Variants in GRIN2B observed in about 807,000 individuals in gnomAD.
GRIN2B encodes the protein glutamate ionotropic receptor NMDA type subunit 2B, also known as glutamate receptor ionotropic, NMDA 2B.
A neutral mutation model predicts 114.5 loss-of-function variants in GRIN2B; 5 were observed. That is an observed-to-expected ratio of 0.04 (90% CI 0.02 to 0.09). The LOEUF is 0.09. Among genes scored for constraint, GRIN2B ranks in the 10% least tolerant of loss-of-function variants. The pLI is 1.00. For missense variants in GRIN2B, 1,108 were observed against 1,943.5 expected (o/e 0.57, Z 8.08); for synonymous variants, 787 against 745.1 (o/e 1.06, Z -0.92).
chr12:13,725,444 G>C (rs1862965953), intron 4 of GRIN2B, among the ~76,000 whole-genome samples: 1 of 152,026 alleles, frequency 6.6e-6, no homozygotes. Flanking sequence ...TGTTCTCCTA[G>C]TCATACAGCT....
At chr12:13,717,486 C>T in intron 4 of GRIN2B, among the ~76,000 whole-genome samples, 1 of 151,912 alleles carries the variant, frequency 6.6e-6, no homozygotes, top group Non-Finnish European at 1.5e-5. Flanking sequence ...GACAACACAG[C>T]AGTATGAACT....
At chr12:13,947,632 CT>C (rs1867385837) in intron 2 of GRIN2B, among the ~76,000 whole-genome samples, 2 of 152,176 alleles carry the variant, frequency 1.3e-5, no homozygotes, top group Admixed American at 1.3e-4. Context: ...TGTATGTATT[CT>C]TAGATTTTCA....
At chr12:13,959,564 AT>A (rs1407311143) in intron 2 of GRIN2B, among the ~76,000 whole-genome samples, 1 of 152,090 alleles carries the variant, frequency 6.6e-6, no homozygotes, top group Non-Finnish European at 1.5e-5. Context: ...GAAATGGAAA[AT>A]GAGGATCCAA....
At chr12:13,694,013 C>A (rs1055104526) in intron 4 of GRIN2B, among the ~76,000 whole-genome samples, 26 of 152,224 alleles carry the variant, frequency 1.7e-4, no homozygotes, top group African/African-American at 6.3e-4. Context: ...AGAAAGAGAA[C>A]CTAGGTTCCA....
At chr12:13,582,374 G>A (rs2136428232) in intron 10 of GRIN2B, among the ~76,000 whole-genome samples, 1 of 152,322 alleles carries the variant, frequency 6.6e-6, no homozygotes, top group East Asian at 1.9e-4. Flanking sequence ...CCGGTATATA[G>A]GAAAATTGCC....
At chr12:13,710,483 T>C (rs895469221) in intron 4 of GRIN2B, among the ~76,000 whole-genome samples, 2 of 152,092 alleles carry the variant, frequency 1.3e-5, no homozygotes, top group African/African-American at 4.8e-5. Flanking sequence ...GAAAACCCCA[T>C]CGTCTCAGCC....
At chr12:13,614,798 T>C (rs542144801) in intron 8 of GRIN2B, among the ~76,000 whole-genome samples, 9 of 152,240 alleles carry the variant, frequency 5.9e-5, no homozygotes, top group African/African-American at 1.9e-4. Flanking sequence ...GGAAACCAAG[T>C]CCCCAGATAC....
rs143592315 is a variant in GRIN2B, at chr12:13,863,596, T to G, written c.411+2202A>C. Among the ~76,000 whole-genome samples the G allele has an allele frequency of 1.4e-4, 22 of 152,300 alleles. No individual in the cohort carries two copies. In the East Asian group the frequency reaches 3.3e-3, roughly 23 times the overall value. ...TAGGTCGCTAACTGGTTAAGAGTATTAAATAAGATAGTACATACACAGCAC... is the reference window on the plus strand; with the variant it reads ...TAGGTCGCTAACTGGTTAAGAGTATGAAATAAGATAGTACATACACAGCAC... On this transcript the variant is annotated intron_variant, in intron 3 of 13. Transcript: ENST00000609686.
chr12:13,552,235 T>C lies in GRIN2B; in HGVS notation c.*10548A>G, dbSNP rs903299422. ...CTTGGGTGCTGTAATCTGAAGGACCTGGGCAGGAATGACATGGGGCCAGGT... is the reference window on the plus strand; with the variant it reads ...CTTGGGTGCTGTAATCTGAAGGACCCGGGCAGGAATGACATGGGGCCAGGT... On this transcript the variant is annotated 3_prime_UTR_variant, in exon 14 of 14. Coordinates refer to ENST00000609686, the MANE Select transcript of GRIN2B (RefSeq NM_000834.5). 2 of 152,192 alleles carry C rather than the reference T, an allele frequency of 1.3e-5. No homozygotes were observed. The highest frequency in any genetic ancestry group is 2.4e-5 in the African/African-American group (1 of 41,436). The allele number at this position is 152,192 out of a possible 1,614,324, so 9.4% of individuals were successfully genotyped here. A position where few individuals can be genotyped will look rare whatever the true frequency, so the allele number is the denominator to read the frequency against.
chr12:13,854,437 G>T (rs1205473512), intron 3 of GRIN2B, among the ~76,000 whole-genome samples: 1 of 152,158 alleles, frequency 6.6e-6, no homozygotes, highest in Non-Finnish European at 1.5e-5. Context: ...TCAAACCCAG[G>T]AGGCAGAAGT....
At chr12:13,785,658 A>T (rs1029832104) in intron 3 of GRIN2B, among the ~76,000 whole-genome samples, 2 of 152,224 alleles carry the variant, frequency 1.3e-5, no homozygotes, top group African/African-American at 4.8e-5. Flanking sequence ...GAATGTAATA[A>T]CACCAACGAC....
chr12:13,581,057 T>C (rs1948841402), intron 10 of GRIN2B, among the ~76,000 whole-genome samples: 2 of 152,218 alleles, frequency 1.3e-5, no homozygotes. Flanking sequence ...AGTTGATCCA[T>C]TTATCTATTG....
At chr12:13,622,626 T>C (rs1005313229) in intron 5 of GRIN2B, among the ~76,000 whole-genome samples, 1 of 152,128 alleles carries the variant, frequency 6.6e-6, no homozygotes, top group Non-Finnish European at 1.5e-5. Context: ...TTTAAATGTA[T>C]CCCTCACACT....
intron 4 of GRIN2B, among the ~76,000 whole-genome samples, chr12:13,725,473 G>T (rs986709347): frequency 6.6e-6 from 1 of 152,024 alleles, no homozygotes; most frequent in African/African-American, 2.4e-5. Context: ...TAAGGCATAT[G>T]GTCCCTGTTT....
At chr12:13,580,987 C>G (rs1170442122) in intron 10 of GRIN2B, among the ~76,000 whole-genome samples, 1 of 152,162 alleles carries the variant, frequency 6.6e-6, no homozygotes, top group African/African-American at 2.4e-5. Context: ...CAGGCCTTTG[C>G]ATGTATCTGT....
At chr12:13,828,725 A>C (rs1591755170) in intron 3 of GRIN2B, among the ~76,000 whole-genome samples, 1 of 151,922 alleles carries the variant, frequency 6.6e-6, no homozygotes, top group Non-Finnish European at 1.5e-5. Flanking sequence ...TCCCCCTTCC[A>C]ATTTTCTAGT....
chr12:13,572,064 C>T, intron 10 of GRIN2B, 100 bp from the exon 11 acceptor site: 2 of 946,020 alleles, frequency 2.1e-6, no homozygotes, highest in Non-Finnish European at 3.3e-6. Flanking sequence ...AGTAAGTTAG[C>T]ATTAGTGGAT....
rs894773658 is a variant in GRIN2B, at chr12:13,551,207, A to C, written c.*11576T>G. 1 of 152,102 alleles carries C rather than the reference A, an allele frequency of 6.6e-6. No homozygotes were observed. Among genetic ancestry groups the C allele is most frequent in the African/African-American group, 2.4e-5 (1 of 41,424 alleles). 9.4% of individuals were successfully genotyped at this position (152,102 alleles called of 1,614,324 possible). On this transcript the variant is annotated 3_prime_UTR_variant, in exon 14 of 14. Transcript: ENST00000609686. ...CCTTGAGAATAGGGATTCTCAAGGA[A>C]TTCTCCTACCCTTATTCCTCCCATT...
In GRIN2B at chr12:13,825,082, C is replaced by T. The variant is rs113003027; in HGVS notation, c.411+40716G>A. Among the ~76,000 whole-genome samples, 108 of 152,062 alleles carry T rather than the reference C, an allele frequency of 7.1e-4. 1 individual carries two copies. The highest frequency in any genetic ancestry group is 1.2e-3 in the Non-Finnish European group (84 of 67,994). The stretch of plus-strand genomic sequence containing the variant: ...TTAATTTTATAAATGTCCCTTGAAG[C>T]GCTGCATTAGCCATATTGTGCAAAT... On this transcript the variant is annotated intron_variant, in intron 3 of 13. Coordinates refer to ENST00000609686, the MANE Select transcript of GRIN2B (RefSeq NM_000834.5).
Sources: gnomAD v4.1 joint callset for allele counts (sites outside exome capture counted in the v4.1 genomes callset) on GRCh38, gnomAD v4.1.1 for gene constraint, MANE v1.5 for transcripts, NCBI Gene and HGNC (gene_info 2026-07-23, HGNC 2026-07-21) for gene names.